Variants in PROX1 observed in about 807,000 individuals in gnomAD.
The protein encoded by PROX1 is prospero homeobox 1, also known as prospero homeobox protein 1.
In PROX1, 7 loss-of-function variants were observed where a neutral mutation model predicts 58.8. That is an observed-to-expected ratio of 0.12 (90% CI 0.07 to 0.22). The LOEUF (loss-of-function observed/expected upper bound fraction) is 0.22. Among genes scored for constraint, PROX1 ranks in the 10% least tolerant of loss-of-function variants. PROX1 has a pLI of 1.00. For synonymous variants in PROX1, 350 were observed against 358.3 expected (o/e 0.98, Z 0.26); for missense variants, 675 against 927.8 (o/e 0.73, Z 3.54).
At chr1:213,996,305 T>G (rs574481588) in intron 1 of PROX1, among the ~76,000 whole-genome samples, 164 bp from the exon 2 acceptor site, 9 of 152,294 alleles carry the variant, frequency 5.9e-5, no homozygotes, top group Middle Eastern at 3.4e-3. Flanking sequence ...CAGAAATATT[T>G]AAAAATGTTT....
At chr1:214,029,113 G>A (rs181782026) in intron 4 of PROX1, 54 of 152,334 alleles carry the variant, frequency 3.5e-4, no homozygotes, top group East Asian at 3.3e-3. Context: ...TTAACAAACA[G>A]CAGGGATGGG....
At chr1:214,027,213 C>G (rs1664488550) in intron 4 of PROX1, among the ~76,000 whole-genome samples, 1 of 151,624 alleles carries the variant, frequency 6.6e-6, no homozygotes, top group African/African-American at 2.4e-5. Context: ...GTTTGCTTCC[C>G]CCAACCCCCA....
At chr1:214,023,134 A>C (rs1053436995) in intron 4 of PROX1, among the ~76,000 whole-genome samples, 1 of 152,236 alleles carries the variant, frequency 6.6e-6, no homozygotes, top group African/African-American at 2.4e-5. Flanking sequence ...CTGAATTGGC[A>C]CTATCATTAG....
chr1:214,040,019 G>A lies in PROX1; in HGVS notation c.*4185G>A, dbSNP rs1439857304. The A allele has an allele frequency of 1.1e-4, 16 of 152,200 alleles. No individual in the cohort carries two copies. The highest frequency in any genetic ancestry group is 1.0e-3 in the Admixed American group (16 of 15,280). The allele number at this position is 152,200 out of a possible 1,614,324, so 9.4% of individuals were successfully genotyped here. A position where few individuals can be genotyped will look rare whatever the true frequency, so the allele number is the denominator to read the frequency against. ...TATAGCGTATTCATTGGTGTGAATA[G>A]TACAAATGTTTCCTTCTGGTACAAA... is the stretch of plus-strand genomic sequence containing the variant. On this transcript the variant is annotated 3_prime_UTR_variant, in exon 5 of 5. Coordinates refer to ENST00000366958, the MANE Select transcript of PROX1 (RefSeq NM_001270616.2).
At chr1:214,015,455 G>A (rs1436690645) in intron 4 of PROX1, among the ~76,000 whole-genome samples, 31 of 152,018 alleles carry the variant, frequency 2.0e-4, no homozygotes, top group Admixed American at 2.0e-3. Flanking sequence ...AGCAAGTTTG[G>A]GATTCCTTCC....
chr1:213,987,316 C>T (rs1042405783), upstream of PROX1, among the ~76,000 whole-genome samples: 1 of 151,944 alleles, frequency 6.6e-6, no homozygotes. Flanking sequence ...ATTTTATTGT[C>T]CACCTCCCCT....
At position 213,997,656 on chromosome 1, in the gene PROX1, A is replaced by C; in HGVS notation, c.1121A>C (p.Lys374Thr). 1.9e-6 allele frequency: 3 copies of C among 1,614,178 alleles called. No homozygotes were observed. The South Asian group carries it at 3.3e-5, about 18-fold the overall frequency. The change falls in exon 2 of 5, where the codon AAG (lysine) becomes ACG (threonine). Residue 374 changes from lysine to threonine, a missense_variant. Lys to Thr is a moderately conservative substitution (Grantham distance 78). Transcript: ENST00000366958. The surrounding 1 kb of genome is among the most constrained non-coding windows in gnomAD (Gnocchi z 7.1). ...ACTGTGGTCAAAGTCTTTTCGGCCA[A>C]GCCCTCCCGCCAGGTTCCTCAGGTC... ...VDTVVKVFSA[K>T]PSRQVPQVFP...
At chr1:214,016,210 AAC>A (rs923808562) in intron 4 of PROX1, among the ~76,000 whole-genome samples, 15 of 151,724 alleles carry the variant, frequency 9.9e-5, no homozygotes, top group African/African-American at 1.4e-4. Flanking sequence ...CCCCACCCCC[AAC>A]ACACACACAC....
chr1:213,996,539 C>T lies in PROX1; in HGVS notation c.4C>T (p.Pro2Ser). 6.2e-7 allele frequency: 1 copy of T among 1,611,834 alleles called. No individual in the cohort carries two copies. M[P>S]DHDSTALLSR... Reference sequence around the variant, plus strand: ...ATGGCACAATAACCGTCCAGTGATGCCTGACCATGACAGCACAGCCCTCTT... The same window carrying T: ...ATGGCACAATAACCGTCCAGTGATGTCTGACCATGACAGCACAGCCCTCTT... The change falls in exon 2 of 5, where the codon CCT (proline) becomes TCT (serine). Residue 2 changes from proline (P) to serine (S), a missense_variant. By Grantham distance (74) the Pro-to-Ser change is moderately conservative (BLOSUM62 -1). Coordinates refer to ENST00000366958, the MANE Select transcript of PROX1 (RefSeq NM_001270616.2).
Position 213,997,859 on chromosome 1 carries a change from G to A in PROX1, c.1324G>A (p.Val442Ile), listed in dbSNP as rs1348346644. Residue 442 changes from valine (V) to isoleucine (I), a missense_variant, in exon 2 of 5, where the codon GTT (valine) becomes ATT (isoleucine). By Grantham distance (29) the Val-to-Ile change is conservative. This residue lies in a region of PROX1 where 403 missense variants were observed against 477.4 expected (regional missense o/e 0.84). Transcript: ENST00000366958. The surrounding 1 kb of genome is among the most constrained non-coding windows in gnomAD (Gnocchi z 7.1). The stretch of plus-strand genomic sequence containing the variant: ...TGACCAGACAGAAGCACTGCCCCTG[G>A]TTGTCCGCAAAAACTCCTCTGACCA... The part of the protein sequence containing the change: ...STDQTEALPL[V>I]VRKNSSDQSA... The A allele has an allele frequency of 8.7e-6, 14 of 1,613,570 alleles. No homozygotes were observed. The highest frequency in any genetic ancestry group is 5.5e-5 in the South Asian group (5 of 90,958).
chr1:213,984,959 G>T (rs1405769052), upstream of PROX1: 1 of 152,260 alleles, frequency 6.6e-6, no homozygotes, highest in Non-Finnish European at 1.5e-5. Context: ...AACAGGAGGC[G>T]TGAGCATACA....
intron 4 of PROX1, among the ~76,000 whole-genome samples, chr1:214,014,689 G>C (rs1359937520): frequency 1.3e-5 from 2 of 151,614 alleles, no homozygotes; most frequent in African/African-American, 2.4e-5. Context: ...TATTCTTCAA[G>C]TTATTCTAAC....
At chr1:214,011,867 C>T (rs1475074156) in intron 4 of PROX1, 152 bp downstream of exon 4, 2 of 566,712 alleles carry the variant, frequency 3.5e-6, no homozygotes, top group Non-Finnish European at 2.8e-6. Context: ...TGAGGAGCTT[C>T]CATAGTCCCC....
At position 214,035,909 on chromosome 1, in the gene PROX1, T is replaced by G; in HGVS notation, c.*75T>G. On this transcript the variant is annotated 3_prime_UTR_variant, in exon 5 of 5. Coordinates refer to ENST00000366958, the MANE Select transcript of PROX1 (RefSeq NM_001270616.2). ...GATGTCCAAGTTATATGTGTCTAGA[T>G]TTTGATTTCATATATATGTGTATGG... The G allele has an allele frequency of 1.5e-6, 2 of 1,355,318 alleles. No individual in the cohort carries two copies. The highest frequency in any genetic ancestry group is 2.0e-6 in the Non-Finnish European group (2 of 998,430). 84.0% of individuals were successfully genotyped at this position (1,355,318 alleles called of 1,614,324 possible).
At position 214,037,836 on chromosome 1, in the gene PROX1, A is replaced by C. The variant is rs1219663077; in HGVS notation, c.*2002A>C. 6.6e-6 allele frequency: 1 copy of C among 152,248 alleles called. No homozygotes were observed. The highest frequency in any genetic ancestry group is 6.5e-5 in the Admixed American group (1 of 15,284). 9.4% of individuals were successfully genotyped at this position (152,248 alleles called of 1,614,324 possible). A position where few individuals can be genotyped will look rare whatever the true frequency, so the allele number is the denominator to read the frequency against. Reference sequence around the variant, plus strand: ...TGGGAAGGAAAAATTCCATCAGCACAAAATAGGGAAGTAATCCCAACTTGT... The same window carrying C: ...TGGGAAGGAAAAATTCCATCAGCACCAAATAGGGAAGTAATCCCAACTTGT... On this transcript the variant is annotated 3_prime_UTR_variant, in exon 5 of 5. Coordinates refer to ENST00000366958, the MANE Select transcript of PROX1 (RefSeq NM_001270616.2).
At chr1:214,025,283 A>G (rs556636438) in intron 4 of PROX1, among the ~76,000 whole-genome samples, 2 of 152,176 alleles carry the variant, frequency 1.3e-5, no homozygotes, top group African/African-American at 4.8e-5. Context: ...AAGTGAATCA[A>G]TCGAACTATC....
At chr1:214,027,119 T>C (rs1287948589) in intron 4 of PROX1, among the ~76,000 whole-genome samples, 1 of 152,164 alleles carries the variant, frequency 6.6e-6, no homozygotes, top group Non-Finnish European at 1.5e-5. Context: ...GGATTATCCC[T>C]GCAACTCTTT....
At chr1:214,011,255 C>T (rs781603918) in intron 3 of PROX1, among the ~76,000 whole-genome samples, 5 of 152,036 alleles carry the variant, frequency 3.3e-5, no homozygotes, top group African/African-American at 4.8e-5. Context: ...TAAAGATGTT[C>T]GGCTTAAGGA....
intron 2 of PROX1, among the ~76,000 whole-genome samples, chr1:214,004,008 T>C (rs892793118): frequency 2.6e-5 from 4 of 151,934 alleles, no homozygotes; most frequent in South Asian, 2.1e-4. Flanking sequence ...AAGCACACTT[T>C]CTTTTCTTTT....
Sources: gnomAD v4.1 joint callset for allele counts (sites outside exome capture counted in the v4.1 genomes callset) on GRCh38, gnomAD v4.1.1 for gene constraint, gnomAD v4.1.1 regional missense constraint, Gnocchi (gnomAD v3.1) non-coding constraint, MANE v1.5 for transcripts, NCBI Gene and HGNC (gene_info 2026-07-23, HGNC 2026-07-21) for gene names.